Variants in RBMS3 observed in about 807,000 individuals in gnomAD.
The protein encoded by RBMS3 is RNA-binding motif, single-stranded-interacting protein 3.
RBMS3 carries 27 observed loss-of-function variants against 66.8 expected under a neutral mutation model. The ratio of observed to expected loss-of-function variants is 0.40; its 90% CI spans 0.30 to 0.56. The LOEUF (loss-of-function observed/expected upper bound fraction) is 0.56, where lower values mean the gene tolerates loss of function less well. Among genes scored for constraint, RBMS3 ranks in the 20% least tolerant of loss-of-function variants. The pLI, the probability that RBMS3 is intolerant of heterozygous loss-of-function variation, is 0.40. For missense variants in RBMS3, 513 were observed against 549.5 expected (o/e 0.93, Z 0.66); for synonymous variants, 188 against 183.0 (o/e 1.03, Z -0.22).
chr3:29,761,433 C>G (rs942571313), intron 5 of RBMS3, among the ~76,000 whole-genome samples: 4 of 152,150 alleles, frequency 2.6e-5, no homozygotes, highest in Admixed American at 2.6e-4. Context: ...AAACCTTCCA[C>G]TGAGCCACAT....
At chr3:29,509,777 A>G (rs1479407046) in intron 3 of RBMS3, among the ~76,000 whole-genome samples, 1 of 152,204 alleles carries the variant, frequency 6.6e-6, no homozygotes, top group Non-Finnish European at 1.5e-5. Flanking sequence ...TTCTTTATTC[A>G]TGTTTCACTT....
At chr3:29,863,429 A>G (rs954131091) in intron 6 of RBMS3, among the ~76,000 whole-genome samples, 8 of 152,192 alleles carry the variant, frequency 5.3e-5, no homozygotes, top group Non-Finnish European at 8.8e-5. Context: ...CTAGTAAAAC[A>G]TTGTGGCTGT....
chr3:29,793,999 T>C (rs545055302), intron 6 of RBMS3, among the ~76,000 whole-genome samples: 1 of 152,290 alleles, frequency 6.6e-6, no homozygotes, highest in South Asian at 2.1e-4. Flanking sequence ...CTCACTCTCT[T>C]GCTCCTATTC....
At chr3:29,631,243 T>G (rs2049272017) in intron 4 of RBMS3, among the ~76,000 whole-genome samples, 1 of 151,842 alleles carries the variant, frequency 6.6e-6, no homozygotes, top group African/African-American at 2.4e-5. Context: ...GAGGCTCTAC[T>G]TTTTTACAGC....
At chr3:29,962,158 A>G (rs76381979) in intron 12 of RBMS3, among the ~76,000 whole-genome samples, 1,675 of 149,916 alleles carry the variant, frequency 0.011, 37 homozygotes, top group African/African-American at 0.039. Flanking sequence ...AGACTGACAT[A>G]ATTTCACTTA....
intron 4 of RBMS3, among the ~76,000 whole-genome samples, chr3:29,640,141 G>A (rs560809135): frequency 3.6e-4 from 54 of 151,858 alleles, no homozygotes; most frequent in South Asian, 8.3e-4. Flanking sequence ...TGGCATATGA[G>A]CAGATACAGA....
intron 10 of RBMS3, among the ~76,000 whole-genome samples, chr3:29,931,254 A>C (rs539762392): frequency 3.3e-4 from 50 of 152,338 alleles, no homozygotes; most frequent in Non-Finnish European, 6.5e-4. Flanking sequence ...AAAGTTGTAT[A>C]AACATAATGT....
chr3:29,900,949 T>C (rs2060237165), intron 10 of RBMS3, among the ~76,000 whole-genome samples: 1 of 151,822 alleles, frequency 6.6e-6, no homozygotes, highest in Admixed American at 6.6e-5. Flanking sequence ...GGCTTTCATA[T>C]CTGAGCAGGG....
At chr3:29,833,400 G>C (rs1282763800) in intron 6 of RBMS3, among the ~76,000 whole-genome samples, 2 of 152,030 alleles carry the variant, frequency 1.3e-5, no homozygotes, top group East Asian at 3.9e-4. Flanking sequence ...TAAGTGAATT[G>C]AATGTGCTAC....
intron 3 of RBMS3, among the ~76,000 whole-genome samples, chr3:29,573,861 T>G (rs1311628458): frequency 6.6e-6 from 1 of 152,196 alleles, no homozygotes; most frequent in Admixed American, 6.5e-5. Flanking sequence ...CTCCTTGTGT[T>G]CATATAGTTT....
At chr3:29,285,306 G>A (rs984415288) in intron 1 of RBMS3, among the ~76,000 whole-genome samples, 1 of 151,642 alleles carries the variant, frequency 6.6e-6, no homozygotes, top group African/African-American at 2.4e-5. Context: ...AATTAGTCAA[G>A]CTAGGTAAGC....
At chr3:29,470,044 A>C (rs1302941585) in intron 2 of RBMS3, among the ~76,000 whole-genome samples, 1 of 148,404 alleles carries the variant, frequency 6.7e-6, no homozygotes, top group East Asian at 1.9e-4. Flanking sequence ...TAAAAGAATA[A>C]TATACTGATT....
At chr3:29,924,933 G>A (rs2060893326) in intron 10 of RBMS3, 1 of 152,088 alleles carries the variant, frequency 6.6e-6, no homozygotes, top group Non-Finnish European at 1.5e-5. Context: ...GAGTTTTATG[G>A]CTGATGAGGG....
At chr3:29,819,699 A>G (rs1441316939) in intron 6 of RBMS3, among the ~76,000 whole-genome samples, 2 of 152,136 alleles carry the variant, frequency 1.3e-5, no homozygotes, top group African/African-American at 4.8e-5. Flanking sequence ...TTCTGTGTAT[A>G]TATGCAAAAG....
At chr3:29,456,732 TA>T (rs34697947) in intron 2 of RBMS3, among the ~76,000 whole-genome samples, 36,514 of 151,956 alleles carry the variant, frequency 0.24, 4,589 homozygotes, top group Non-Finnish European at 0.28. Context: ...CTAAAAAAAT[TA>T]AACTCTCATC....
intron 4 of RBMS3, among the ~76,000 whole-genome samples, chr3:29,657,733 CA>C (rs2050376485): frequency 6.6e-6 from 1 of 152,148 alleles, no homozygotes; most frequent in Non-Finnish European, 1.5e-5. Context: ...CAATACTAAT[CA>C]ACACACACAA....
intron 3 of RBMS3, among the ~76,000 whole-genome samples, chr3:29,528,216 A>T (rs550553238): frequency 6.6e-6 from 1 of 151,452 alleles, no homozygotes; most frequent in African/African-American, 2.4e-5. Flanking sequence ...AGGTCCAAGC[A>T]ATTCTCCTTC....
At chr3:29,321,789 G>A (rs925347691) in intron 1 of RBMS3, among the ~76,000 whole-genome samples, 1 of 152,078 alleles carries the variant, frequency 6.6e-6, no homozygotes, top group South Asian at 2.1e-4. Context: ...AAGCTGGCTG[G>A]AGATATTCAG....
chr3:29,738,849 G>A (rs2054494211), intron 4 of RBMS3, among the ~76,000 whole-genome samples: 1 of 152,194 alleles, frequency 6.6e-6, no homozygotes, highest in East Asian at 1.9e-4. Context: ...CAGTAGACCA[G>A]AGCAATAAAT....
Sources: allele counts gnomAD v4.1 joint callset (sites outside exome capture counted in the v4.1 genomes callset), GRCh38; gene constraint gnomAD v4.1.1; transcripts MANE v1.5; gene names NCBI Gene and HGNC (gene_info 2026-07-23, HGNC 2026-07-21).